Variants in LAMP2 observed in about 807,000 individuals in gnomAD.
The protein encoded by LAMP2 is lysosome associated membrane protein 2.
LAMP2 carries 4 observed loss-of-function variants against 25.6 expected under a neutral mutation model. The observed-to-expected ratio is 0.16, with a 90% CI of 0.08 to 0.36. The LOEUF (loss-of-function observed/expected upper bound fraction) is 0.36, where lower values mean the gene tolerates loss of function less well. Among genes scored for constraint, LAMP2 ranks in the 10% least tolerant of loss-of-function variants. LAMP2 has a pLI of 1.00. For missense variants in LAMP2, 272 were observed against 301.4 expected, an observed-to-expected ratio of 0.90 and a Z score of 0.72; for synonymous variants, 108 against 112.7, an observed-to-expected ratio of 0.96 and a Z score of 0.27.
rs1243987669 is a variant in LAMP2 at position 120,430,567 on chromosome X, G to C, written c.*756C>G. ...AACAAAACAAGAAACAAAAAAGCAAGTGGCTAAATATGCTTGGATCTTTTC... is the reference window on the plus strand; with the variant it reads ...AACAAAACAAGAAACAAAAAAGCAACTGGCTAAATATGCTTGGATCTTTTC... On this transcript the variant is annotated 3_prime_UTR_variant, in exon 9 of 9. Transcript: ENST00000200639. 1 of 752,398 alleles carries C rather than the reference G, an allele frequency of 1.3e-6. No individual in the cohort carries two copies. The highest frequency in any genetic ancestry group is 1.6e-6 in the Non-Finnish European group (1 of 638,280). 62.0% of individuals were successfully genotyped at this position (752,398 alleles called of 1,213,427 possible).
Position 120,428,649 on chromosome X carries a change from A to G in LAMP2, c.*2674T>C. 8.7e-7 allele frequency: 1 copy of G among 1,152,999 alleles called. No homozygotes were observed. The highest frequency in any genetic ancestry group is 2.1e-5 in the South Asian group (1 of 47,030). On this transcript the variant is annotated 3_prime_UTR_variant, in exon 9 of 9. Transcript: ENST00000200639. Reference sequence around the variant, plus strand: ...CAGCTGTTAGAAAAGAACAGACAGCAAGGAAAGGAAATTAGCAAAGAATGC... The same window carrying G: ...CAGCTGTTAGAAAAGAACAGACAGCGAGGAAAGGAAATTAGCAAAGAATGC...
chrX:120,428,633 G>A lies in LAMP2; in HGVS notation c.*2690C>T. Reference sequence around the variant, plus strand: ...TCAGCAGAACATTCTTCAGCTGTTAGAAAAGAACAGACAGCAAGGAAAGGA... The same window carrying A: ...TCAGCAGAACATTCTTCAGCTGTTAAAAAAGAACAGACAGCAAGGAAAGGA... On this transcript the variant is annotated 3_prime_UTR_variant, in exon 9 of 9. Transcript: ENST00000200639. The A allele has an allele frequency of 8.6e-7, 1 of 1,164,970 alleles. No individual in the cohort carries two copies.
At chrX:120,467,509 C>A (rs1377230701) in intron 1 of LAMP2, among the ~76,000 whole-genome samples, 2 of 111,900 alleles carry the variant, frequency 1.8e-5, no homozygotes, top group Admixed American at 1.9e-4. Context: ...AAAATGTATA[C>A]CTCTCACTGC....
At position 120,429,001 on chromosome X, in the gene LAMP2, T is replaced by G. The variant is rs1184435156; in HGVS notation, c.*2322A>C. On this transcript the variant is annotated 3_prime_UTR_variant, in exon 9 of 9. Transcript: ENST00000200639. ...CTTCGTCACACCTATAATTAAAGTATAAATAAGAATTCTGTATAAGTAATA... is the reference window on the plus strand; with the variant it reads ...CTTCGTCACACCTATAATTAAAGTAGAAATAAGAATTCTGTATAAGTAATA... 3.1e-6 allele frequency: 2 copies of G among 653,610 alleles called. No homozygotes were observed. The highest frequency in any genetic ancestry group is 2.4e-5 in the African/African-American group (1 of 40,971). 53.9% of individuals were successfully genotyped at this position (653,610 alleles called of 1,213,427 possible).
At chrX:120,441,281 C>G (rs1407279854) in intron 8 of LAMP2, among the ~76,000 whole-genome samples, 2 of 112,196 alleles carry the variant, frequency 1.8e-5, no homozygotes, top group Non-Finnish European at 3.8e-5. Flanking sequence ...CTCTCCAGAT[C>G]GTTTTGGCTG....
chrX:120,437,819 T>A, intron 8 of LAMP2: 1 of 748,929 alleles, frequency 1.3e-6, no homozygotes, highest in Non-Finnish European at 1.6e-6. Context: ...AAACCAAGAC[T>A]TTTTGGTTAG....
chrX:120,455,903 T>G (rs770517081), intron 2 of LAMP2, among the ~76,000 whole-genome samples: 4 of 100,637 alleles, frequency 4.0e-5, no homozygotes, highest in Non-Finnish European at 6.1e-5. Context: ...AAGGGGGAGA[T>G]TTTAGTGTTA....
rs762283779 is a variant in LAMP2, at chrX:120,437,008, C to T, written c.1093+4722G>A. Reference sequence around the variant, plus strand: ...AATAGTTAAGGCCTACATTCTTATACACATTATCCATCTTACAAGGTTAAC... The same window carrying T: ...AATAGTTAAGGCCTACATTCTTATATACATTATCCATCTTACAAGGTTAAC... On this transcript the variant is annotated intron_variant, in intron 8 of 8. Transcript: ENST00000200639. 2.3e-4 allele frequency: 169 copies of T among 739,219 alleles called. 1 individual carries two copies. The highest frequency in any genetic ancestry group is 7.7e-4 in the Middle Eastern group (1 of 1,301). 60.9% of individuals were successfully genotyped at this position (739,219 alleles called of 1,213,427 possible).
intron 1 of LAMP2, among the ~76,000 whole-genome samples, chrX:120,465,762 T>C (rs896521446): frequency 1.8e-5 from 2 of 112,368 alleles, no homozygotes; most frequent in African/African-American, 3.2e-5. Context: ...GGCACAGTTC[T>C]AGCTACATAG....
At chrX:120,462,005 A>G (rs1921331107) in intron 1 of LAMP2, among the ~76,000 whole-genome samples, 1 of 111,902 alleles carries the variant, frequency 8.9e-6, no homozygotes, top group Non-Finnish European at 1.9e-5. Flanking sequence ...TCTAGCAAGC[A>G]ATTTCCATCC....
At chrX:120,451,461 T>G (rs1003035053) in intron 3 of LAMP2, among the ~76,000 whole-genome samples, 3 of 110,727 alleles carry the variant, frequency 2.7e-5, no homozygotes, top group African/African-American at 9.9e-5. Flanking sequence ...ATTAGTTTTT[T>G]TTGTTGTTGT....
chrX:120,456,204 T>G (rs1313616767), intron 2 of LAMP2, among the ~76,000 whole-genome samples: 1 of 108,218 alleles, frequency 9.2e-6, no homozygotes, highest in Non-Finnish European at 1.9e-5. Context: ...GGCTAATTTT[T>G]AAAGTTTTTT....
Position 120,429,430 on chromosome X carries a change from T to C in LAMP2, c.*1893A>G. On this transcript the variant is annotated 3_prime_UTR_variant, in exon 9 of 9. Transcript: ENST00000200639. The stretch of plus-strand genomic sequence containing the variant: ...AGGGGATAATAATACCTATAAGGTA[T>C]TTGAGGATTAAATACAATTACATTT... 1.7e-6 allele frequency: 1 copy of C among 572,355 alleles called. No homozygotes were observed. Among genetic ancestry groups the C allele is most frequent in the Non-Finnish European group, 2.1e-6 (1 of 473,831 alleles). The allele number at this position is 572,355 out of a possible 1,213,427, so 47.2% of individuals were successfully genotyped here. A position where few individuals can be genotyped will look rare whatever the true frequency, so the allele number is the denominator to read the frequency against.
chrX:120,435,906 C>G (rs913680820), intron 8 of LAMP2, among the ~76,000 whole-genome samples: 5 of 111,167 alleles, frequency 4.5e-5, no homozygotes, highest in Non-Finnish European at 9.4e-5. Flanking sequence ...TTAGAGTGAT[C>G]TAAGTAAGAG....
At chrX:120,455,739 T>C (rs917176278) in intron 2 of LAMP2, among the ~76,000 whole-genome samples, 169 bp from the exon 3 acceptor site, 1 of 109,198 alleles carries the variant, frequency 9.2e-6, no homozygotes, top group African/African-American at 3.3e-5. Context: ...TACATACCAC[T>C]CCTCTGGATA....
At chrX:120,431,828 A>G (rs970497194) in intron 8 of LAMP2, among the ~76,000 whole-genome samples, 5 of 112,247 alleles carry the variant, frequency 4.5e-5, no homozygotes, top group Non-Finnish European at 9.4e-5. Context: ...AAGAAGCACA[A>G]TGCTTCAAAT....
Position 120,428,617 on chromosome X carries a change from C to T in LAMP2, c.*2706G>A. 8.5e-7 allele frequency: 1 copy of T among 1,182,095 alleles called. No homozygotes were observed. The highest frequency in any genetic ancestry group is 1.1e-6 in the Non-Finnish European group (1 of 881,939). On this transcript the variant is annotated 3_prime_UTR_variant, in exon 9 of 9. Transcript: ENST00000200639. ...AAAGTTGAGGTCAGAGTCAGCAGAACATTCTTCAGCTGTTAGAAAAGAACA... is the reference window on the plus strand; with the variant it reads ...AAAGTTGAGGTCAGAGTCAGCAGAATATTCTTCAGCTGTTAGAAAAGAACA...
At position 120,427,191 on chromosome X, in the gene LAMP2, G is replaced by A. The variant is rs1238710994; in HGVS notation, c.*4132C>T. On this transcript the variant is annotated 3_prime_UTR_variant, in exon 9 of 9. Transcript: ENST00000200639. ...TCCAAAAAAAATTTCTGAAGTGAAG[G>A]CAGATCTTTGGGAACTTTTGTTTTT... 9.0e-6 allele frequency among the ~76,000 whole-genome samples: 1 copy of A among 111,485 alleles called. No individual in the cohort carries two copies. Among genetic ancestry groups the A allele is most frequent in the African/African-American group, 3.3e-5 (1 of 30,700 alleles).
At chrX:120,442,250 A>AAAAAAC (rs2058576471) in intron 7 of LAMP2, among the ~76,000 whole-genome samples, 1 of 108,181 alleles carries the variant, frequency 9.2e-6, no homozygotes, top group Non-Finnish European at 1.9e-5. Context: ...AAAAAAAAAA[A>AAAAAAC]AGGAACAGTC....
Sources: allele counts gnomAD v4.1 joint callset (sites outside exome capture counted in the v4.1 genomes callset), GRCh38; gene constraint gnomAD v4.1.1; transcripts MANE v1.5; gene names NCBI Gene and HGNC (gene_info 2026-07-23, HGNC 2026-07-21).